The following MDM1 variants were observed in gnomAD, a reference collection of about 807,000 sequenced individuals.
MDM1 encodes Mdm1 nuclear protein.
MDM1 carries 61 observed loss-of-function variants against 89.1 expected under a neutral mutation model. The observed-to-expected ratio is 0.68, with a 90% CI of 0.56 to 0.85. The LOEUF (loss-of-function observed/expected upper bound fraction) is 0.85. Among genes scored for constraint, MDM1 ranks in the 40% least tolerant of loss-of-function variants. The pLI is 0.00. For missense variants in MDM1, 820 were observed against 846.5 expected, an observed-to-expected ratio of 0.97 and a Z score of 0.39; for synonymous variants, 290 against 294.1, an observed-to-expected ratio of 0.99 and a Z score of 0.14.
intron 7 of MDM1, among the ~76,000 whole-genome samples, chr12:68,318,217 G>C (rs1874745756): frequency 6.6e-6 from 1 of 152,180 alleles, no homozygotes; most frequent in South Asian, 2.1e-4. Flanking sequence ...AATGTAAGTT[G>C]AAGGAGTAGT....
chr12:68,327,605 T>C (rs749753647), intron 2 of MDM1: 5 of 1,246,280 alleles, frequency 4.0e-6, no homozygotes, highest in Non-Finnish European at 4.5e-6. Context: ...AAACTTAACC[T>C]TCTATGAAGG....
chr12:68,328,540 C>G (rs990802696), intron 2 of MDM1, among the ~76,000 whole-genome samples: 1 of 152,116 alleles, frequency 6.6e-6, no homozygotes, highest in African/African-American at 2.4e-5. Context: ...GAAATTCTAT[C>G]ATTCAAAACT....
At chr12:68,327,362 C>T (rs1394059049) in intron 2 of MDM1, 1 of 1,527,432 alleles carries the variant, frequency 6.5e-7, no homozygotes, top group Non-Finnish European at 8.8e-7. Context: ...TTTCTAATTA[C>T]TTTCCTGTGC....
At chr12:68,302,587 TAA>T in intron 13 of MDM1, 31 bp downstream of exon 13, 1 of 1,575,982 alleles carries the variant, frequency 6.3e-7, no homozygotes, top group Non-Finnish European at 8.6e-7. Context: ...CACTTTATTT[TAA>T]AAGACAAAAA....
At position 68,302,763 on chromosome 12, in the gene MDM1, T is replaced by C. The variant is rs1220583225; in HGVS notation, c.1859A>G (p.Glu620Gly). Residue 620 changes from glutamate to glycine, a missense_variant, in exon 13 of 15, where the codon GAG (glutamate) becomes GGG (glycine). Coordinates refer to ENST00000682720, the MANE Select transcript of MDM1 (RefSeq NM_001354969.2). ...DSEDNIHKFAEATLPVSKIPK... is the reference protein window; with the variant it reads ...DSEDNIHKFAGATLPVSKIPK... ...AATTTTTGAAACTGGAAGAGTTGCC[T>C]CAGCAAATTTGTGGATATTGTCTTC... 1.9e-6 allele frequency: 3 copies of C among 1,613,712 alleles called. No homozygotes were observed. Among genetic ancestry groups the C allele is most frequent in the Middle Eastern group, 3.3e-4 (2 of 6,060 alleles).
intron 4 of MDM1, 76 bp downstream of exon 4, chr12:68,325,365 A>T: frequency 7.2e-7 from 1 of 1,386,290 alleles, no homozygotes; most frequent in Non-Finnish European, 9.4e-7. Context: ...ATTTCTTTCA[A>T]CTCTTAATTC....
rs192530597 is a variant in MDM1, at chr12:68,303,876, G to A, written c.1750-1004C>T. Among the ~76,000 whole-genome samples the A allele has an allele frequency of 4.2e-3, 645 of 152,274 alleles. 2 individuals carry two copies. The highest frequency in any genetic ancestry group is 0.015 in the African/African-American group (612 of 41,546). ...TTTACCTTCTTTTTTAGTTTGGTCA[G>A]TATTTGCTGTTTTCCACAATGACTA... On this transcript the variant is annotated intron_variant, in intron 12 of 14. Transcript: ENST00000682720.
intron 12 of MDM1, 47 bp downstream of exon 12, chr12:68,313,396 A>G (rs1210265063): frequency 7.7e-7 from 1 of 1,293,452 alleles, no homozygotes; most frequent in Non-Finnish European, 1.1e-6. Flanking sequence ...ATGTGTCTAC[A>G]ATAATTAGTC....
chr12:68,297,887 T>TA (rs1871619836), intron 13 of MDM1, among the ~76,000 whole-genome samples: 1 of 152,148 alleles, frequency 6.6e-6, no homozygotes, highest in Admixed American at 6.5e-5. Flanking sequence ...AAAATCTTTT[T>TA]AAAAAACTAA....
In MDM1 at chr12:68,295,186, T is replaced by G; in HGVS notation, c.*68A>C. On this transcript the variant is annotated 3_prime_UTR_variant, in exon 15 of 15. Transcript: ENST00000682720. ...TTAGGAAAAACTTCACTCAAAAAAT[T>G]TTAACACAGTAAGCAATAAAGAAAA... is the stretch of plus-strand genomic sequence containing the variant. 3.0e-6 allele frequency: 3 copies of G among 1,009,836 alleles called. No homozygotes were observed. The highest frequency in any genetic ancestry group is 3.0e-5 in the South Asian group (2 of 65,894). The allele number at this position is 1,009,836 out of a possible 1,614,324, so 62.6% of individuals were successfully genotyped here. A position where few individuals can be genotyped will look rare whatever the true frequency, so the allele number is the denominator to read the frequency against.
At chr12:68,312,501 G>C (rs969973094) in intron 12 of MDM1, among the ~76,000 whole-genome samples, 2 of 151,974 alleles carry the variant, frequency 1.3e-5, no homozygotes, top group African/African-American at 2.4e-5. Flanking sequence ...CACCACCAAG[G>C]TCCAAACAAC....
chr12:68,296,055 A>G (rs1592933350), intron 14 of MDM1, among the ~76,000 whole-genome samples: 1 of 152,256 alleles, frequency 6.6e-6, no homozygotes, highest in Admixed American at 6.5e-5. Context: ...TTAATGTATG[A>G]TACAGAGTAT....
chr12:68,328,920 C>A (rs1876396320), intron 2 of MDM1, among the ~76,000 whole-genome samples: 1 of 152,164 alleles, frequency 6.6e-6, no homozygotes, highest in African/African-American at 2.4e-5. Context: ...TAACGTTCCT[C>A]CCCTAGTCCA....
intron 7 of MDM1, 130 bp from the exon 8 acceptor site, chr12:68,316,740 A>AT: frequency 1.3e-6 from 1 of 746,442 alleles, no homozygotes; most frequent in Non-Finnish European, 2.2e-6. Context: ...ATTTCTTGGG[A>AT]TTTTTAGTAA....
At chr12:68,331,697 G>C (rs1365806977) in intron 1 of MDM1, among the ~76,000 whole-genome samples, 1 of 152,130 alleles carries the variant, frequency 6.6e-6, no homozygotes, top group African/African-American at 2.4e-5. Context: ...GGACGCTGTG[G>C]CCACCTGTGA....
At chr12:68,301,371 A>ATAG (rs1872132429) in intron 13 of MDM1, among the ~76,000 whole-genome samples, 1 of 152,198 alleles carries the variant, frequency 6.6e-6, no homozygotes, top group African/African-American at 2.4e-5. Context: ...GAAAAATCAA[A>ATAG]TACTGCATGT....
chr12:68,328,301 G>A (rs1262984715), intron 2 of MDM1, among the ~76,000 whole-genome samples: 1 of 152,216 alleles, frequency 6.6e-6, no homozygotes, highest in East Asian at 1.9e-4. Context: ...TCAGATATGA[G>A]AGGGATGTCA....
intron 12 of MDM1, among the ~76,000 whole-genome samples, chr12:68,308,297 T>C (rs1873202875): frequency 6.6e-6 from 1 of 152,168 alleles, no homozygotes; most frequent in South Asian, 2.1e-4. Flanking sequence ...AGCTAACTTT[T>C]GTAATTTTAG....
At chr12:68,332,118 C>T in intron 1 of MDM1, 110 bp downstream of exon 1, 1 of 1,471,260 alleles carries the variant, frequency 6.8e-7, no homozygotes, top group Non-Finnish European at 9.3e-7. Context: ...CTGGCAGCTT[C>T]CGCCGGGCAG....
Sources: gnomAD v4.1 joint callset for allele counts (sites outside exome capture counted in the v4.1 genomes callset) on GRCh38, gnomAD v4.1.1 for gene constraint, MANE v1.5 for transcripts, NCBI Gene and HGNC (gene_info 2026-07-23, HGNC 2026-07-21) for gene names.